Variants in EXOC4 observed in about 807,000 individuals in gnomAD.
EXOC4 encodes the protein SEC8-like 1.
A neutral mutation model predicts 107.2 loss-of-function variants in EXOC4; 71 were observed. The ratio of observed to expected loss-of-function variants is 0.66; its 90% confidence interval spans 0.55 to 0.81. EXOC4 has a LOEUF of 0.81. Ranked by LOEUF, EXOC4 falls within the 30% of genes least tolerant of loss-of-function variation. EXOC4 has a pLI of 0.00. For missense variants in EXOC4, 1,108 were observed against 1,189.6 expected (o/e 0.93, Z 1.01); for synonymous variants, 456 against 441.2 (o/e 1.03, Z -0.42).
intron 9 of EXOC4, among the ~76,000 whole-genome samples, chr7:133,486,611 G>A (rs1348268772): frequency 6.6e-6 from 1 of 152,120 alleles, no homozygotes; most frequent in Admixed American, 6.5e-5. Context: ...GCAACAATAT[G>A]CAGGGAACAT....
intron 9 of EXOC4, among the ~76,000 whole-genome samples, chr7:133,568,710 A>G (rs1156444299): frequency 2.0e-5 from 3 of 152,182 alleles, no homozygotes; most frequent in Non-Finnish European, 4.4e-5. Context: ...ATGAATGAAA[A>G]AGCATAAGAA....
chr7:133,308,634 G>A (rs1399317615), intron 4 of EXOC4, among the ~76,000 whole-genome samples: 2 of 152,080 alleles, frequency 1.3e-5, no homozygotes, highest in Non-Finnish European at 2.9e-5. Flanking sequence ...AATAATTAGA[G>A]TATAAATAAA....
chr7:133,977,721 G>C (rs1218131721), intron 14 of EXOC4, among the ~76,000 whole-genome samples: 1 of 145,656 alleles, frequency 6.9e-6, no homozygotes, highest in African/African-American at 2.6e-5. Flanking sequence ...TTTTTTGTTT[G>C]AGTTGGTTTT....
chr7:133,410,574 C>G (rs1283699792), intron 7 of EXOC4, among the ~76,000 whole-genome samples: 1 of 151,996 alleles, frequency 6.6e-6, no homozygotes, highest in African/African-American at 2.4e-5. Flanking sequence ...TGATTGAAAC[C>G]TTGGATTTTT....
intron 10 of EXOC4, among the ~76,000 whole-genome samples, chr7:133,692,337 A>G (rs186295988): frequency 2.0e-5 from 3 of 152,240 alleles, no homozygotes; most frequent in African/African-American, 7.2e-5. Flanking sequence ...TCTTTTCTCT[A>G]CCAATCTAGG....
In EXOC4 at chr7:133,890,335, A is replaced by G. The variant is rs1281827788; in HGVS notation, c.1735-5264A>G. ...ATTCTGGATATTAGCCCTTTGTCAG[A>G]TGAGTAGGTTGCGAAAATTTTCTCC... On this transcript the variant is annotated intron_variant, in intron 11 of 17. Transcript: ENST00000253861. Among the ~76,000 whole-genome samples the G allele has an allele frequency of 4.3e-5, 3 of 69,310 alleles. 1 individual carries two copies. The highest frequency in any genetic ancestry group is 7.3e-5 in the Non-Finnish European group (3 of 41,288). 45.5% of individuals were successfully genotyped at this position (69,310 alleles called of 152,430 possible).
chr7:133,805,238 A>G (rs969169843), intron 10 of EXOC4, among the ~76,000 whole-genome samples: 3 of 152,236 alleles, frequency 2.0e-5, no homozygotes, highest in Non-Finnish European at 4.4e-5. Flanking sequence ...TGGTCCTTGA[A>G]GAAAGGCTAT....
intron 11 of EXOC4, among the ~76,000 whole-genome samples, chr7:133,821,418 T>C (rs1797517898): frequency 6.6e-6 from 1 of 152,230 alleles, no homozygotes; most frequent in African/African-American, 2.4e-5. Context: ...ATTATGCTTG[T>C]CTGCAAGCTG....
At position 133,363,533 on chromosome 7, in the gene EXOC4, G is replaced by A. The variant is rs188392124; in HGVS notation, c.1007+6960G>A. Among the ~76,000 whole-genome samples the A allele has an allele frequency of 6.6e-5, 10 of 151,066 alleles. No homozygotes were observed. In the East Asian group the frequency reaches 1.9e-3, roughly 29 times the overall value. On this transcript the variant is annotated intron_variant, in intron 6 of 17. Coordinates refer to ENST00000253861, the MANE Select transcript of EXOC4 (RefSeq NM_021807.4). ...CCTTTGGTTATAGTCATTAGAGAAA[G>A]GCTTCTTGGCTGAATAGGCCAGAGA...
At chr7:133,548,099 A>T (rs1339346365) in intron 9 of EXOC4, among the ~76,000 whole-genome samples, 4 of 152,078 alleles carry the variant, frequency 2.6e-5, no homozygotes, top group Non-Finnish European at 5.9e-5. Flanking sequence ...ATGCTGTATT[A>T]GCAGACATGA....
chr7:133,553,292 A>G (rs1464805388), intron 9 of EXOC4, among the ~76,000 whole-genome samples: 4 of 152,204 alleles, frequency 2.6e-5, no homozygotes, highest in Non-Finnish European at 5.9e-5. Context: ...GCCTTTTGCC[A>G]TCTCACACTT....
At chr7:133,594,526 C>T (rs1340442940) in intron 9 of EXOC4, among the ~76,000 whole-genome samples, 1 of 69,400 alleles carries the variant, frequency 1.4e-5, no homozygotes, top group South Asian at 5.0e-4. Context: ...GACGGAGTCT[C>T]GCTCTTTCAC....
chr7:134,087,161 G>A, the EXOC4 span, among the ~76,000 whole-genome samples: 9 of 152,146 alleles, frequency 5.9e-5, no homozygotes, highest in African/African-American at 1.7e-4. Flanking sequence ...CCTTATTCAA[G>A]ATGGATTTGC....
chr7:133,721,476 A>G (rs980612357), intron 10 of EXOC4, among the ~76,000 whole-genome samples: 9 of 152,154 alleles, frequency 5.9e-5, no homozygotes, highest in Non-Finnish European at 1.2e-4. Context: ...TCCTGTTCCT[A>G]ATGTTGTCAG....
intron 10 of EXOC4, among the ~76,000 whole-genome samples, chr7:133,737,726 TTTTG>T (rs1428081404): frequency 1.3e-5 from 2 of 152,054 alleles, no homozygotes; most frequent in African/African-American, 2.4e-5. Context: ...TTCAGGTTTG[TTTTG>T]TTTTTTAATT....
intron 11 of EXOC4, among the ~76,000 whole-genome samples, chr7:133,820,019 A>G (rs1179796896): frequency 6.6e-6 from 1 of 152,176 alleles, no homozygotes; most frequent in Non-Finnish European, 1.5e-5. Context: ...AGGCTAGGTA[A>G]GAACTCCAGC....
intron 17 of EXOC4, among the ~76,000 whole-genome samples, chr7:134,024,906 C>CA (rs769692832): frequency 1.2e-4 from 18 of 152,336 alleles, no homozygotes; most frequent in Non-Finnish European, 7.4e-5. Flanking sequence ...CTTCTGCTGG[C>CA]AGCAGAGCAA....
intron 9 of EXOC4, among the ~76,000 whole-genome samples, chr7:133,518,478 T>C (rs546056059): frequency 6.6e-6 from 1 of 151,978 alleles, no homozygotes; most frequent in South Asian, 2.1e-4. Flanking sequence ...GAGGAAATTG[T>C]GTGAGATATA....
Position 134,064,523 on chromosome 7 carries a change from G to T in EXOC4, c.2920G>T (p.Val974Phe). ...CACCAAGGACAAGAAGATAACTACC[G>T]TTTAGCAGGGCGTACTGCGGTTGGT... is the stretch of plus-strand genomic sequence containing the variant. ...QATKDKKITT[V>F] The change falls in exon 18 of 18, where the codon GTT (valine) becomes TTT (phenylalanine). Residue 974 changes from valine to phenylalanine, a missense_variant. By Grantham distance (50) the Val-to-Phe change is conservative. Transcript: ENST00000253861. The T allele has an allele frequency of 6.3e-7, 1 of 1,588,946 alleles. No homozygotes were observed.
Sources: allele counts gnomAD v4.1 joint callset (sites outside exome capture counted in the v4.1 genomes callset), GRCh38; gene constraint gnomAD v4.1.1; transcripts MANE v1.5; gene names NCBI Gene and HGNC (gene_info 2026-07-23, HGNC 2026-07-21).